Variants in IGF2BP1 observed in about 807,000 individuals in gnomAD.
IGF2BP1 encodes insulin like growth factor 2 mRNA binding protein 1, also known as insulin-like growth factor 2 mRNA-binding protein 1.
IGF2BP1 carries 11 observed loss-of-function variants against 74.9 expected under a neutral mutation model. That is an observed-to-expected ratio of 0.15 (90% CI 0.09 to 0.24). The LOEUF is 0.24. Ranked by LOEUF, IGF2BP1 falls within the 10% of genes least tolerant of loss-of-function variation. The pLI, the probability that IGF2BP1 is intolerant of heterozygous loss-of-function variation, is 1.00. For synonymous variants in IGF2BP1, 287 were observed against 281.8 expected (o/e 1.02, Z -0.18); for missense variants, 440 against 757.4 (o/e 0.58, Z 4.92).
intron 2 of IGF2BP1, among the ~76,000 whole-genome samples, chr17:49,002,480 A>AG (rs1555594408): frequency 1.3e-5 from 2 of 152,130 alleles, no homozygotes; most frequent in Non-Finnish European, 2.9e-5. Context: ...AAATGAATGA[A>AG]GAGGGGTTAA....
chr17:49,029,794 ATTTTT>A (rs34684271), intron 4 of IGF2BP1, among the ~76,000 whole-genome samples: 1 of 134,384 alleles, frequency 7.4e-6, no homozygotes, highest in Non-Finnish European at 1.6e-5. Context: ...CACCCGGCTG[ATTTTT>A]TTTTTTTTTT....
intron 5 of IGF2BP1, among the ~76,000 whole-genome samples, chr17:49,034,270 A>G (rs2041958141): frequency 6.6e-6 from 1 of 151,870 alleles, no homozygotes; most frequent in South Asian, 2.1e-4. Flanking sequence ...GGTGTCTGCC[A>G]CCATGCCTGG....
chr17:49,028,363 T>C (rs2041882037), intron 4 of IGF2BP1, among the ~76,000 whole-genome samples: 2 of 152,206 alleles, frequency 1.3e-5, no homozygotes, highest in Admixed American at 1.3e-4. Context: ...TGATTATAAA[T>C]GATGAAAACC....
Position 49,053,340 on chromosome 17 carries a change from C to T in IGF2BP1, c.*3896C>T, listed in dbSNP as rs967923970. On this transcript the variant is annotated 3_prime_UTR_variant, in exon 15 of 15. Coordinates refer to ENST00000290341, the MANE Select transcript of IGF2BP1 (RefSeq NM_006546.4). Reference sequence around the variant, plus strand: ...CTGAATCAAAGCAATAGCCAGCTTTCGACACATACCTGGCTGTCTGAGGAG... The same window carrying T: ...CTGAATCAAAGCAATAGCCAGCTTTTGACACATACCTGGCTGTCTGAGGAG... The T allele has an allele frequency of 6.5e-6, 1 of 152,686 alleles. No individual in the cohort carries two copies. Among genetic ancestry groups the T allele is most frequent in the Non-Finnish European group, 1.5e-5 (1 of 68,110 alleles). The allele number at this position is 152,686 out of a possible 1,614,324, so 9.5% of individuals were successfully genotyped here.
chr17:49,022,970 C>T (rs934486609), intron 2 of IGF2BP1, among the ~76,000 whole-genome samples: 16 of 152,240 alleles, frequency 1.1e-4, no homozygotes, highest in Admixed American at 2.6e-4. Flanking sequence ...GGGCCTGGGC[C>T]GAAGCAATAC....
At chr17:49,028,876 T>A (rs573520911) in intron 4 of IGF2BP1, among the ~76,000 whole-genome samples, 1 of 152,270 alleles carries the variant, frequency 6.6e-6, no homozygotes, top group Admixed American at 6.5e-5. Context: ...GGTGCGATCT[T>A]GGCTCATTGC....
intron 2 of IGF2BP1, among the ~76,000 whole-genome samples, chr17:49,007,823 A>C (rs2041568597): frequency 6.6e-6 from 1 of 152,184 alleles, no homozygotes; most frequent in Non-Finnish European, 1.5e-5. Context: ...TGGGAGGAGA[A>C]CTCCAACTGT....
Position 49,049,394 on chromosome 17 carries a change from C to G in IGF2BP1, c.1684C>G (p.Gln562Glu), listed in dbSNP as rs1215544623. The G allele has an allele frequency of 1.2e-6, 2 of 1,614,138 alleles. No homozygotes were observed. The highest frequency in any genetic ancestry group is 4.5e-5 in the East Asian group (2 of 44,882). Residue 562 changes from glutamine (Q) to glutamate (E), a missense_variant, in exon 15 of 15, where the codon CAG becomes GAG. Gln to Glu is a conservative substitution (Grantham distance 29). Coordinates refer to ENST00000290341, the MANE Select transcript of IGF2BP1 (RefSeq NM_006546.4). ...KIRDILAQVK[Q>E]QHQKGQSNQA... is the part of the protein sequence containing the mutation. ...CCGAGACATCCTGGCCCAGGTTAAG[C>G]AGCAGCATCAGAAGGGACAGAGTAA...
At chr17:49,040,642 C>T (rs2042041428) in intron 7 of IGF2BP1, among the ~76,000 whole-genome samples, 1 of 152,244 alleles carries the variant, frequency 6.6e-6, no homozygotes, top group African/African-American at 2.4e-5. Flanking sequence ...CGTGTATGCA[C>T]ATGTGTTTTA....
intron 2 of IGF2BP1, among the ~76,000 whole-genome samples, chr17:49,023,021 C>G (rs1442725243): frequency 1.3e-5 from 2 of 152,244 alleles, no homozygotes; most frequent in Non-Finnish European, 2.9e-5. Context: ...CTCAACCTTC[C>G]AATGGCATGG....
intron 2 of IGF2BP1, among the ~76,000 whole-genome samples, chr17:49,014,532 G>T (rs1241552764): frequency 6.6e-6 from 1 of 152,028 alleles, no homozygotes; most frequent in African/African-American, 2.4e-5. Flanking sequence ...TGGGGAGGAA[G>T]ACCTCCACAG....
intron 13 of IGF2BP1, 80 bp downstream of exon 13, chr17:49,046,101 CA>C (rs1186018421): frequency 1.3e-6 from 2 of 1,540,240 alleles, no homozygotes; most frequent in Non-Finnish European, 1.8e-6. Flanking sequence ...CTGTACTGCT[CA>C]ACCTCAGGAC....
At chr17:49,027,194 G>C (rs2041868617) in intron 4 of IGF2BP1, among the ~76,000 whole-genome samples, 1 of 152,208 alleles carries the variant, frequency 6.6e-6, no homozygotes, top group Non-Finnish European at 1.5e-5. Context: ...TTTCTCTTCT[G>C]TTTAGCAGGA....
intron 4 of IGF2BP1, among the ~76,000 whole-genome samples, chr17:49,031,153 C>CT (rs1304734247): frequency 2.6e-5 from 4 of 152,204 alleles, no homozygotes; most frequent in Admixed American, 6.5e-5. Flanking sequence ...GGCTCTCACT[C>CT]TATCACCCCG....
chr17:49,018,893 G>C (rs1202688973), intron 2 of IGF2BP1, among the ~76,000 whole-genome samples: 6 of 152,108 alleles, frequency 3.9e-5, no homozygotes, highest in African/African-American at 1.4e-4. Context: ...GGAGGTGAAG[G>C]TTCTAATCTG....
rs776368257 is a variant in IGF2BP1, at chr17:49,038,210, C to T, written c.444C>T (p.Ala148=). ...ATGGCCACCAGTTGGAGAACCATGCCCTGAAGGTCTCCTACATCCCCGATG... is the reference window on the plus strand; with the variant it reads ...ATGGCCACCAGTTGGAGAACCATGCTCTGAAGGTCTCCTACATCCCCGATG... The part of the protein sequence containing the change: ...KLNGHQLENH[A]LKVSYIPDEQ... The change falls in exon 6 of 15, where the codon GCC becomes GCT. Residue 148 remains alanine, a synonymous_variant. Coordinates refer to ENST00000290341, the MANE Select transcript of IGF2BP1 (RefSeq NM_006546.4). The T allele has an allele frequency of 6.5e-6, 10 of 1,543,972 alleles. No homozygotes were observed. The East Asian group carries it at 1.9e-4, about 29-fold the overall frequency.
intron 9 of IGF2BP1, 136 bp downstream of exon 9, chr17:49,042,513 A>G (rs966127273): frequency 1.2e-5 from 11 of 886,622 alleles, no homozygotes; most frequent in African/African-American, 8.6e-5. Context: ...GACTTCGACT[A>G]TCAGAAATAG....
chr17:49,037,471 C>T (rs767246779), intron 5 of IGF2BP1: 4 of 260,790 alleles, frequency 1.5e-5, no homozygotes, highest in Non-Finnish European at 3.1e-5. Flanking sequence ...CTCTAATATT[C>T]ATGGAAGTCA....
At chr17:49,045,836 C>A in intron 12 of IGF2BP1, 54 bp from the exon 13 acceptor site, 1 of 1,571,348 alleles carries the variant, frequency 6.4e-7, no homozygotes, top group Non-Finnish European at 8.6e-7. Flanking sequence ...TCCCACTTTT[C>A]TCTTTTGTCA....
Sources: gnomAD v4.1 joint callset for allele counts (sites outside exome capture counted in the v4.1 genomes callset) on GRCh38, gnomAD v4.1.1 for gene constraint, MANE v1.5 for transcripts, NCBI Gene and HGNC (gene_info 2026-07-23, HGNC 2026-07-21) for gene names.